SHC2: variants seen among roughly 807,000 people sequenced by gnomAD.
SHC2 encodes the protein SHC-transforming protein 2.
SHC2 carries 62 observed loss-of-function variants against 60.6 expected under a neutral mutation model. The observed-to-expected ratio is 1.02, with a 90% CI of 0.83 to 1.26. The LOEUF (loss-of-function observed/expected upper bound fraction) is 1.26, where lower values mean the gene tolerates loss of function less well. SHC2 is among the 50% of genes most tolerant of loss of function. The probability of loss-of-function intolerance (pLI) is 0.00; values close to 1 mark genes in which losing one functional copy is unlikely to be tolerated. For missense variants in SHC2, 873 were observed against 822.2 expected, an observed-to-expected ratio of 1.06 and a Z score of -0.76; for synonymous variants, 375 against 372.4, an observed-to-expected ratio of 1.01 and a Z score of -0.08.
At chr19:423,086 G>C (rs1303382143) in intron 10 of SHC2, among the ~76,000 whole-genome samples, 4 of 152,126 alleles carry the variant, frequency 2.6e-5, no homozygotes, top group African/African-American at 9.7e-5. Flanking sequence ...CCGTGGCTGG[G>C]GCGGCCTTGA....
At position 435,337 on chromosome 19, in the gene SHC2, C is replaced by T. The variant is rs113329021; in HGVS notation, c.954-472G>A. Among the ~76,000 whole-genome samples, 1,170 of 152,368 alleles carry T rather than the reference C, an allele frequency of 7.7e-3. 13 individuals are homozygous for T. The highest frequency in any genetic ancestry group is 0.026 in the African/African-American group (1,079 of 41,586). On this transcript the variant is annotated intron_variant, in intron 7 of 12. Transcript: ENST00000264554. ...GGGTGCACCCCACCTGGCCCACAGTCGCTGCTGGGATAAATTATGAAGCAG... is the reference window on the plus strand; with the variant it reads ...GGGTGCACCCCACCTGGCCCACAGTTGCTGCTGGGATAAATTATGAAGCAG...
intron 1 of SHC2, among the ~76,000 whole-genome samples, chr19:458,919 G>T (rs538264170): frequency 1.3e-5 from 2 of 152,026 alleles, no homozygotes; most frequent in Admixed American, 6.5e-5. Flanking sequence ...GACCACACGT[G>T]GGGGAGTGAG....
intron 2 of SHC2, chr19:439,396 C>A: frequency 3.3e-6 from 1 of 306,824 alleles, no homozygotes; most frequent in Non-Finnish European, 6.2e-6. Context: ...GAAGGCTCGG[C>A]ATCAGATGTG....
chr19:460,731 G>A lies in SHC2; in HGVS notation c.266C>T (p.Ala89Val), dbSNP rs2145770241. ...GCTGAGCGCGGGCAGGGGACAGGGC[G>A]CGGCGCAGCGGGGCTCGCAGGCGCC... ...VLGACEPRCAAPCPLPALSRC... is the reference protein window; with the variant it reads ...VLGACEPRCAVPCPLPALSRC... The change falls in exon 1 of 13, where the codon GCG becomes GTG. Residue 89 changes from alanine (A) to valine (V), a missense_variant. Physicochemically the swap from Ala to Val is moderately conservative, Grantham distance 64. Coordinates refer to ENST00000264554, the MANE Select transcript of SHC2 (RefSeq NM_012435.3). 3 of 982,280 alleles carry A rather than the reference G, an allele frequency of 3.1e-6. No individual in the cohort carries two copies. Among genetic ancestry groups the A allele is most frequent in the East Asian group, 1.2e-4 (1 of 8,646 alleles). 60.8% of individuals were successfully genotyped at this position (982,280 alleles called of 1,614,324 possible). A position where few individuals can be genotyped will look rare whatever the true frequency, so the allele number is the denominator to read the frequency against.
At chr19:435,885 G>A in intron 7 of SHC2, 1 of 399,998 alleles carries the variant, frequency 2.5e-6, no homozygotes, top group East Asian at 4.1e-5. Flanking sequence ...GCGTCTGGAG[G>A]AGGGATATTG....
rs1803663005 is a variant in SHC2 at position 416,899 on chromosome 19, C to G, written c.*429G>C. ...CTCAAAGACAACTGTGCACCCAGTCCTCAGGTGGGAAGAGGAAGCCCAGCC... is the reference window on the plus strand; with the variant it reads ...CTCAAAGACAACTGTGCACCCAGTCGTCAGGTGGGAAGAGGAAGCCCAGCC... On this transcript the variant is annotated 3_prime_UTR_variant, in exon 13 of 13. Transcript: ENST00000264554. 1 of 152,902 alleles carries G rather than the reference C, an allele frequency of 6.5e-6. No homozygotes were observed. The highest frequency in any genetic ancestry group is 1.5e-5 in the Non-Finnish European group (1 of 68,358). 9.5% of individuals were successfully genotyped at this position (152,902 alleles called of 1,614,324 possible). A position where few individuals can be genotyped will look rare whatever the true frequency, so the allele number is the denominator to read the frequency against.
intron 7 of SHC2, among the ~76,000 whole-genome samples, chr19:435,282 C>T (rs1409851026): frequency 6.6e-6 from 1 of 152,254 alleles, no homozygotes; most frequent in African/African-American, 2.4e-5. Context: ...TGCAGGTGCT[C>T]CTCAGCAAGC....
At position 438,824 on chromosome 19, in the gene SHC2, G is replaced by A; in HGVS notation, c.614C>T (p.Ala205Val). Residue 205 changes from alanine to valine, a missense_variant, in exon 4 of 13, where the codon GCC (alanine) becomes GTC (valine). Transcript: ENST00000264554. This position sits in a 1 kb window ranked among gnomAD's most constrained non-coding sequence, Gnocchi z 5.0. ...GCTCTTGCCCAGGACGGACGCCAGG[G>A]CCTTGTTGGGGGCCTGAGTTGGGGG... is the stretch of plus-strand genomic sequence containing the variant. ...GSWKKKAPNK[A>V]LASVLGKSNL... 1 of 1,568,500 alleles carries A rather than the reference G, an allele frequency of 6.4e-7. No individual in the cohort carries two copies.
At position 440,109 on chromosome 19, in the gene SHC2, C is replaced by CGCCATGCTCAGTGAGAGAT. The variant is rs1344280433; in HGVS notation, c.539+752_539+753insATCTCTCACTGAGCATGGC. 2.0e-5 allele frequency among the ~76,000 whole-genome samples: 3 copies of CGCCATGCTCAGTGAGAGAT among 151,100 alleles called. No homozygotes were observed. Among genetic ancestry groups the CGCCATGCTCAGTGAGAGAT allele is most frequent in the African/African-American group, 7.3e-5 (3 of 40,996 alleles). ...CGGGAACGCCATGCTCAGTGAGAGA[C>CGCCATGCTCAGTGAGAGAT]GCCAGACACACGAGGCCACGCAGCG... On this transcript the variant is annotated intron_variant, in intron 2 of 12. Coordinates refer to ENST00000264554, the MANE Select transcript of SHC2 (RefSeq NM_012435.3). The surrounding 1 kb of genome is among the most constrained non-coding windows in gnomAD (Gnocchi z 7.0).
At chr19:430,590 G>C (rs1439039269) in intron 9 of SHC2, 94 bp downstream of exon 9, 2 of 922,448 alleles carry the variant, frequency 2.2e-6, no homozygotes, top group Admixed American at 5.1e-5. Flanking sequence ...GAAATAAGCA[G>C]AGAGGAGAAA....
intron 1 of SHC2, among the ~76,000 whole-genome samples, chr19:448,981 C>T (rs146339346): frequency 6.8e-4 from 102 of 150,044 alleles, no homozygotes; most frequent in African/African-American, 2.4e-3. Flanking sequence ...GGTGAAACCC[C>T]GTCTCTACAA....
At position 446,906 on chromosome 19, in the gene SHC2, G is replaced by A. The variant is rs1361085591; in HGVS notation, c.469-5974C>T. ...GTCCCCATGTCTGCACTCCCAGCCT[G>A]GGAGACCGTCCGAGTCTCCGCCACC... is the stretch of plus-strand genomic sequence containing the variant. On this transcript the variant is annotated intron_variant, in intron 1 of 12. Coordinates refer to ENST00000264554, the MANE Select transcript of SHC2 (RefSeq NM_012435.3). This position sits in a 1 kb window ranked among gnomAD's most constrained non-coding sequence, Gnocchi z 5.4. 6.6e-6 allele frequency among the ~76,000 whole-genome samples: 1 copy of A among 152,138 alleles called. No individual in the cohort carries two copies. Among genetic ancestry groups the A allele is most frequent in the Non-Finnish European group, 1.5e-5 (1 of 68,016 alleles).
chr19:442,504 CGGATGGA>C (rs1974901393), intron 1 of SHC2, among the ~76,000 whole-genome samples: 2 of 25,532 alleles, frequency 7.8e-5, no homozygotes, highest in Non-Finnish European at 1.5e-4. Flanking sequence ...GATGGATGGA[CGGATGGA>C]TGGATGGATG....
intron 4 of SHC2, 48 bp from the exon 5 acceptor site, chr19:436,731 G>T: frequency 1.9e-6 from 3 of 1,562,104 alleles, no homozygotes; most frequent in African/African-American, 1.3e-5. Context: ...CGCTTCGAGG[G>T]CAGGGGGCCC....
intron 1 of SHC2, among the ~76,000 whole-genome samples, chr19:442,932 T>TAGATGAGTGGATGGGTGGAC (rs1974934148): frequency 1.0e-4 from 4 of 39,158 alleles, no homozygotes; most frequent in Admixed American, 3.4e-4. Flanking sequence ...GATGGGTGGA[T>TAGATGAGTGGATGGGTGGAC]GGATGGGTGG....
chr19:422,726 A>T lies in SHC2; in HGVS notation c.1310-270T>A. On this transcript the variant is annotated intron_variant, in intron 10 of 12. Coordinates refer to ENST00000264554, the MANE Select transcript of SHC2 (RefSeq NM_012435.3). The surrounding 1 kb of genome is among the most constrained non-coding windows in gnomAD (Gnocchi z 5.0). ...GGGTAACAGCAGCTCTTTCTTTCAGAGGTTAACTCCTATTTCTTTTTCCTG... is the reference window on the plus strand; with the variant it reads ...GGGTAACAGCAGCTCTTTCTTTCAGTGGTTAACTCCTATTTCTTTTTCCTG... The T allele has an allele frequency of 2.6e-6, 1 of 383,718 alleles. No homozygotes were observed. The allele number at this position is 383,718 out of a possible 1,614,324, so 23.8% of individuals were successfully genotyped here.
chr19:438,700 C>A lies in SHC2; in HGVS notation c.720+18G>T. 2 of 1,547,898 alleles carry A rather than the reference C, an allele frequency of 1.3e-6. No individual in the cohort carries two copies. The highest frequency in any genetic ancestry group is 1.2e-5 in the South Asian group (1 of 83,786). ...CCTCTGGGGGTCTGGGGACGCCAGG[C>A]GAAGAGGGCAGACCCACCTGGCGCG... On this transcript the variant is annotated intron_variant, in intron 4 of 12. Coordinates refer to ENST00000264554, the MANE Select transcript of SHC2 (RefSeq NM_012435.3). The surrounding 1 kb of genome is among the most constrained non-coding windows in gnomAD (Gnocchi z 5.0).
rs780305229 is a variant in SHC2, at chr19:438,756, T to C, written c.682A>G (p.Thr228Ala). ...AGMSISIHIS[T>A]DGLSLSVPAT... ...GGCACGGAGAGGCTGAGGCCATCAG[T>C]GGAGATGTGGATGGAGATGCTCATG... Residue 228 changes from threonine (T) to alanine (A), a missense_variant, in exon 4 of 13, where the codon ACT becomes GCT. Thr to Ala is a moderately conservative substitution (Grantham distance 58, BLOSUM62 0). Transcript: ENST00000264554. This position sits in a 1 kb window ranked among gnomAD's most constrained non-coding sequence, Gnocchi z 5.0. 6.4e-7 allele frequency: 1 copy of C among 1,571,512 alleles called. No individual in the cohort carries two copies. The highest frequency in any genetic ancestry group is 1.2e-5 in the South Asian group (1 of 85,278).
chr19:459,740 C>T (rs28437206), intron 1 of SHC2, among the ~76,000 whole-genome samples: 2,237 of 152,292 alleles, frequency 0.015, 58 homozygotes, highest in African/African-American at 0.051. Flanking sequence ...CCGCAGAGGC[C>T]GGGAGGAGCT....
Sources: gnomAD v4.1 joint callset for allele counts (sites outside exome capture counted in the v4.1 genomes callset) on GRCh38, gnomAD v4.1.1 for gene constraint, Gnocchi (gnomAD v3.1) non-coding constraint, MANE v1.5 for transcripts, NCBI Gene and HGNC (gene_info 2026-07-23, HGNC 2026-07-21) for gene names.